Variants in HAO2 observed in about 807,000 individuals in gnomAD.
HAO2 encodes the protein 2-Hydroxyacid oxidase 2.
Under a neutral mutation model 37.4 loss-of-function variants are expected in HAO2, and 42 were observed. The observed-to-expected ratio is 1.12, with a 90% CI of 0.88 to 1.45. The LOEUF is 1.45. HAO2 is among the 40% of genes most tolerant of loss of function. HAO2 has a pLI of 0.00. For synonymous variants in HAO2, 180 were observed against 162.8 expected (o/e 1.11, Z -0.81); for missense variants, 476 against 430.2 (o/e 1.11, Z -0.94).
intron 3 of HAO2, 45 bp from the exon 4 acceptor site, chr1:119,384,731 A>C (rs1443300288): frequency 6.3e-7 from 1 of 1,580,094 alleles, no homozygotes; most frequent in South Asian, 1.1e-5. Context: ...AGCCCAGTCC[A>C]GAGGCCTCTG....
intron 4 of HAO2, 99 bp downstream of exon 4, chr1:119,385,152 T>C (rs1411755838): frequency 1.3e-6 from 2 of 1,499,400 alleles, no homozygotes; most frequent in African/African-American, 1.4e-5. Flanking sequence ...CAGGCATTTA[T>C]CGAACACCTG....
intron 5 of HAO2, among the ~76,000 whole-genome samples, chr1:119,391,353 CA>C (rs1338337602): frequency 2.0e-5 from 3 of 152,218 alleles, no homozygotes; most frequent in Admixed American, 2.0e-4. Flanking sequence ...CTCCTCTTTA[CA>C]GACTTGTAGG....
At chr1:119,391,427 T>A (rs587641341) in intron 5 of HAO2, among the ~76,000 whole-genome samples, 1 of 152,330 alleles carries the variant, frequency 6.6e-6, no homozygotes, top group Admixed American at 6.5e-5. Context: ...GCCTGTTCCC[T>A]GGAATTGAAG....
chr1:119,384,653 T>G, intron 3 of HAO2, 123 bp from the exon 4 acceptor site: 1 of 749,492 alleles, frequency 1.3e-6, no homozygotes, highest in Non-Finnish European at 2.2e-6. Flanking sequence ...GGAAGCAGAA[T>G]GAAATTAAGC....
intron 1 of HAO2, among the ~76,000 whole-genome samples, chr1:119,376,542 C>T (rs983398153): frequency 6.6e-6 from 1 of 152,330 alleles, no homozygotes; most frequent in East Asian, 1.9e-4. Context: ...TAGGCAGTGC[C>T]CCAGTGGGGA....
rs1447798063 is a variant in HAO2 at position 119,385,153 on chromosome 1, C to T, written c.561+100C>T. 65 of 1,493,782 alleles carry T rather than the reference C, an allele frequency of 4.4e-5. 1 individual carries two copies. The East Asian group carries it at 8.7e-4, about 20-fold the overall frequency. 92.5% of individuals were successfully genotyped at this position (1,493,782 alleles called of 1,614,324 possible). On this transcript the variant is annotated intron_variant, in intron 4 of 7. Transcript: ENST00000325945. Reference sequence around the variant, plus strand: ...ATTCTTTCTTTCCACAGGCATTTATCGAACACCTGCTCTGTGCCAGACACT... The same window carrying T: ...ATTCTTTCTTTCCACAGGCATTTATTGAACACCTGCTCTGTGCCAGACACT...
intron 1 of HAO2, among the ~76,000 whole-genome samples, chr1:119,372,771 C>T (rs770794528): frequency 1.3e-5 from 2 of 152,168 alleles, no homozygotes; most frequent in African/African-American, 2.4e-5. Flanking sequence ...GGAGCAAAGG[C>T]AGGCTTGAGC....
Position 119,383,146 on chromosome 1 carries a change from T to C in HAO2, c.283+80T>C, listed in dbSNP as rs587755293. On this transcript the variant is annotated intron_variant, in intron 3 of 7. Transcript: ENST00000325945. ...CAGTGGCAGAGGCTCCAAGATTCTCTCTAGAAGGGCCTTAGGAACATAATC... is the reference window on the plus strand; with the variant it reads ...CAGTGGCAGAGGCTCCAAGATTCTCCCTAGAAGGGCCTTAGGAACATAATC... The C allele has an allele frequency of 1.6e-4, 164 of 997,212 alleles. 1 individual carries two copies. In the South Asian group the frequency reaches 2.4e-3, roughly 15 times the overall value. The allele number at this position is 997,212 out of a possible 1,614,324, so 61.8% of individuals were successfully genotyped here. A position where few individuals can be genotyped will look rare whatever the true frequency, so the allele number is the denominator to read the frequency against.
At position 119,386,931 on chromosome 1, in the gene HAO2, T is replaced by C. The variant is rs1426222000; in HGVS notation, c.771+100T>C. ...GGACTCTGTGAAATCTGAGCATATT[T>C]CACTCCTCTGTACCACATGTGTTGG... On this transcript the variant is annotated intron_variant, in intron 5 of 7. Transcript: ENST00000325945. 8 of 763,088 alleles carry C rather than the reference T, an allele frequency of 1.0e-5. No homozygotes were observed. In the Admixed American group the frequency reaches 1.3e-4, roughly 12 times the overall value. The allele number at this position is 763,088 out of a possible 1,614,324, so 47.3% of individuals were successfully genotyped here.
At chr1:119,393,422 A>C (rs1349772466) in intron 7 of HAO2, among the ~76,000 whole-genome samples, 1 of 152,134 alleles carries the variant, frequency 6.6e-6, no homozygotes, top group East Asian at 1.9e-4. Context: ...CTCTTTTGCT[A>C]TCTGTGTGTC....
intron 1 of HAO2, among the ~76,000 whole-genome samples, chr1:119,377,691 T>C (rs1649580305): frequency 6.6e-6 from 1 of 152,170 alleles, no homozygotes; most frequent in South Asian, 2.1e-4. Context: ...CTCACAATCA[T>C]GGTGAAAGGT....
At chr1:119,390,187 A>G (rs763217057) in intron 5 of HAO2, among the ~76,000 whole-genome samples, 2 of 152,254 alleles carry the variant, frequency 1.3e-5, no homozygotes, top group Admixed American at 6.5e-5. Context: ...TTTGGTGACT[A>G]TTAGTAACGA....
intron 1 of HAO2, among the ~76,000 whole-genome samples, chr1:119,373,551 G>A (rs1181222342): frequency 6.6e-6 from 1 of 152,100 alleles, no homozygotes; most frequent in African/African-American, 2.4e-5. Context: ...ATGTGTGGGA[G>A]GCAGGACAAT....
chr1:119,380,704 G>A (rs370595464), intron 1 of HAO2: 8 of 1,603,096 alleles, frequency 5.0e-6, no homozygotes, highest in Non-Finnish European at 6.8e-6. Flanking sequence ...TGGAAGACAA[G>A]ATGTGGAGTG....
At chr1:119,388,221 G>C (rs1451902873) in intron 5 of HAO2, among the ~76,000 whole-genome samples, 1 of 152,126 alleles carries the variant, frequency 6.6e-6, no homozygotes, top group Non-Finnish European at 1.5e-5. Flanking sequence ...CATGCCCTGG[G>C]TCATCCCAAC....
At chr1:119,383,174 G>T (rs1650098758) in intron 3 of HAO2, 108 bp downstream of exon 3, 1 of 707,608 alleles carries the variant, frequency 1.4e-6, no homozygotes, top group South Asian at 2.1e-5. Flanking sequence ...ACATAATCTG[G>T]TTAACACTAA....
rs1173665011 is a variant in HAO2 at position 119,393,854 on chromosome 1, A to G, written c.*14A>G. On this transcript the variant is annotated 3_prime_UTR_variant, in exon 8 of 8. Transcript: ENST00000325945. ...TCCAGGCTGTAAGAAAAAAGGGCCA[A>G]TAACCAGACTGCTGAGGTTGCCCAC... 1.9e-6 allele frequency: 3 copies of G among 1,612,724 alleles called. No individual in the cohort carries two copies. The highest frequency in any genetic ancestry group is 1.3e-5 in the African/African-American group (1 of 74,974).
chr1:119,370,876 C>A (rs1648936790), intron 1 of HAO2, among the ~76,000 whole-genome samples: 2 of 152,218 alleles, frequency 1.3e-5, no homozygotes, highest in African/African-American at 4.8e-5. Context: ...TCTCCTGCTA[C>A]AACCCAGTGA....
At chr1:119,369,108 G>C (rs1324732277) in intron 1 of HAO2, 2 of 152,250 alleles carry the variant, frequency 1.3e-5, no homozygotes, top group Non-Finnish European at 2.9e-5. Context: ...TACAGACAGA[G>C]AAGGTTAAGT....
Sources: gnomAD v4.1 joint callset for allele counts (sites outside exome capture counted in the v4.1 genomes callset) on GRCh38, gnomAD v4.1.1 for gene constraint, MANE v1.5 for transcripts, NCBI Gene and HGNC (gene_info 2026-07-23, HGNC 2026-07-21) for gene names.